GNAQ: variants seen among roughly 807,000 people sequenced by gnomAD.
GNAQ encodes guanine nucleotide-binding protein G(q) subunit alpha.
In GNAQ, 8 loss-of-function variants were observed where a neutral mutation model predicts 43.9. The ratio of observed to expected loss-of-function variants is 0.18; its 90% CI spans 0.11 to 0.33. The LOEUF (loss-of-function observed/expected upper bound fraction) is 0.33, where lower values mean the gene tolerates loss of function less well. Ranked by LOEUF, GNAQ falls within the 10% of genes least tolerant of loss-of-function variation. The probability of loss-of-function intolerance (pLI) is 1.00; values close to 1 mark genes in which losing one functional copy is unlikely to be tolerated. For synonymous variants in GNAQ, 155 were observed against 170.7 expected, an observed-to-expected ratio of 0.91 and a Z score of 0.71; for missense variants, 158 against 450.8, an observed-to-expected ratio of 0.35 and a Z score of 5.88.
intron 2 of GNAQ, among the ~76,000 whole-genome samples, chr9:77,816,333 C>T (rs147842847): frequency 1.7e-3 from 255 of 152,098 alleles, no homozygotes; most frequent in Non-Finnish European, 2.6e-3. Flanking sequence ...TGACAATTAC[C>T]CCTCCACTCT....
intron 2 of GNAQ, among the ~76,000 whole-genome samples, chr9:77,825,192 C>T (rs901567347): frequency 1.3e-5 from 2 of 152,128 alleles, no homozygotes; most frequent in African/African-American, 4.8e-5. Context: ...TTTTGTTAAA[C>T]ATGCATTTTC....
At chr9:77,924,639 A>G (rs1347404396) in intron 1 of GNAQ, among the ~76,000 whole-genome samples, 2 of 152,200 alleles carry the variant, frequency 1.3e-5, no homozygotes. Context: ...AGAGCAGTCA[A>G]CATTTGGCAC....
intron 2 of GNAQ, among the ~76,000 whole-genome samples, chr9:77,892,886 C>T (rs1247519262): frequency 2.0e-5 from 3 of 152,186 alleles, no homozygotes; most frequent in Non-Finnish European, 4.4e-5. Flanking sequence ...GTTTTTCCTT[C>T]ACCTCTTGAA....
intron 5 of GNAQ, among the ~76,000 whole-genome samples, chr9:77,768,425 T>C (rs1826167942): frequency 6.6e-6 from 1 of 152,192 alleles, no homozygotes; most frequent in African/African-American, 2.4e-5. Context: ...CCATGTGATA[T>C]TCAACTCAGA....
At chr9:77,748,860 C>A (rs756888607) in intron 5 of GNAQ, among the ~76,000 whole-genome samples, 7 of 152,148 alleles carry the variant, frequency 4.6e-5, no homozygotes, top group Non-Finnish European at 1.0e-4. Flanking sequence ...TGGAGCCAGT[C>A]CAGATGTTGT....
intron 5 of GNAQ, among the ~76,000 whole-genome samples, chr9:77,784,851 C>A (rs1327394202): frequency 6.6e-6 from 1 of 152,176 alleles, no homozygotes; most frequent in African/African-American, 2.4e-5. Flanking sequence ...AGTACTCAAT[C>A]TGATTTTAAT....
rs1348946027 is a variant in GNAQ at position 77,718,429 on chromosome 9, G to A, written c.*2894C>T. 1 of 232,372 alleles carries A rather than the reference G, an allele frequency of 4.3e-6. No homozygotes were observed. Among genetic ancestry groups the A allele is most frequent in the South Asian group, 1.8e-4 (1 of 5,520 alleles). 14.4% of individuals were successfully genotyped at this position (232,372 alleles called of 1,614,324 possible). A position where few individuals can be genotyped will look rare whatever the true frequency, so the allele number is the denominator to read the frequency against. ...AGGTTTCTATGCATCACTGCTGCTA[G>A]GGTGATCAATTTTTTCCTTTCTCAA... On this transcript the variant is annotated 3_prime_UTR_variant, in exon 7 of 7. Coordinates refer to ENST00000286548, the MANE Select transcript of GNAQ (RefSeq NM_002072.5).
chr9:77,910,665 C>T (rs1045302158), intron 2 of GNAQ, among the ~76,000 whole-genome samples: 2 of 151,888 alleles, frequency 1.3e-5, no homozygotes, highest in Non-Finnish European at 2.9e-5. Context: ...ATATCAGTTT[C>T]TGTTGACTAC....
chr9:77,727,195 T>G (rs1825410695), intron 6 of GNAQ, among the ~76,000 whole-genome samples: 1 of 152,104 alleles, frequency 6.6e-6, no homozygotes, highest in Non-Finnish European at 1.5e-5. Flanking sequence ...CCTGCCTCAT[T>G]TTTTATAGAT....
chr9:77,904,317 C>CCTTTTTTTTTTTTTTT (rs1244010736), intron 2 of GNAQ, among the ~76,000 whole-genome samples: 1 of 77,406 alleles, frequency 1.3e-5, no homozygotes, highest in African/African-American at 5.7e-5. Context: ...TTCACACCGG[C>CCTTTTTTTTTTTTTTT]TTTTTTTTTT....
chr9:77,780,952 A>ATT (rs35437600), intron 5 of GNAQ, among the ~76,000 whole-genome samples: 3 of 130,460 alleles, frequency 2.3e-5, no homozygotes, highest in Admixed American at 7.6e-5. Flanking sequence ...TATTAATTGG[A>ATT]TTTTTTTTTT....
rs143038063 is a variant in GNAQ, at chr9:77,826,053, C to G, written c.322-10283G>C. 2.9e-3 allele frequency among the ~76,000 whole-genome samples: 439 copies of G among 152,252 alleles called. 3 individuals are homozygous for G. Among genetic ancestry groups the G allele is most frequent in the African/African-American group, 0.01 (419 of 41,550 alleles). ...CTAATTCTCTTGACAAATTAGAAGT[C>G]CCAGCAACACTGCATCCATATTCCA... On this transcript the variant is annotated intron_variant, in intron 2 of 6. Transcript: ENST00000286548.
chr9:77,728,449 C>T, intron 6 of GNAQ, 65 bp downstream of exon 6: 1 of 1,152,638 alleles, frequency 8.7e-7, no homozygotes, highest in Non-Finnish European at 1.3e-6. Context: ...CGTTAACTCC[C>T]ACACTGGGGT....
At chr9:77,745,920 G>A (rs1413858909) in intron 5 of GNAQ, among the ~76,000 whole-genome samples, 1 of 150,522 alleles carries the variant, frequency 6.6e-6, no homozygotes, top group East Asian at 1.9e-4. Context: ...GCTGGGGGTG[G>A]AAGAAGAAGA....
At chr9:77,859,782 G>T (rs919589863) in intron 2 of GNAQ, among the ~76,000 whole-genome samples, 1 of 152,174 alleles carries the variant, frequency 6.6e-6, no homozygotes, top group African/African-American at 2.4e-5. Flanking sequence ...CAGCCATACA[G>T]AATGCAGTAA....
intron 1 of GNAQ, among the ~76,000 whole-genome samples, chr9:77,953,985 A>G (rs1021164191): frequency 4.6e-5 from 7 of 152,186 alleles, no homozygotes; most frequent in Non-Finnish European, 1.0e-4. Flanking sequence ...AGTCACAAAT[A>G]TTTTGTATCC....
At chr9:77,763,378 C>A (rs1423855407) in intron 5 of GNAQ, among the ~76,000 whole-genome samples, 1 of 152,168 alleles carries the variant, frequency 6.6e-6, no homozygotes, top group African/African-American at 2.4e-5. Context: ...GTAATCCCAG[C>A]ACTTTGGGAG....
chr9:77,878,058 T>A (rs976933208), intron 2 of GNAQ, among the ~76,000 whole-genome samples: 2 of 152,128 alleles, frequency 1.3e-5, no homozygotes, highest in Non-Finnish European at 2.9e-5. Flanking sequence ...ACAGGATAGG[T>A]CTCATTCTGC....
intron 5 of GNAQ, among the ~76,000 whole-genome samples, chr9:77,755,039 C>G (rs1825878699): frequency 6.6e-6 from 1 of 152,148 alleles, no homozygotes; most frequent in Admixed American, 6.5e-5. Flanking sequence ...CAATGGAGTA[C>G]TACTGTGCCT....
Sources: gnomAD v4.1 joint callset for allele counts (sites outside exome capture counted in the v4.1 genomes callset) on GRCh38, gnomAD v4.1.1 for gene constraint, MANE v1.5 for transcripts, NCBI Gene and HGNC (gene_info 2026-07-23, HGNC 2026-07-21) for gene names.